The following LUZP2 variants were observed in gnomAD, a reference collection of about 807,000 sequenced individuals.
The protein encoded by LUZP2 is leucine zipper protein 2.
LUZP2 carries 52 observed loss-of-function variants against 51.6 expected under a neutral mutation model. The ratio of observed to expected loss-of-function variants is 1.01; its 90% CI spans 0.81 to 1.27. LUZP2 has a LOEUF of 1.27. LUZP2 is among the 50% of genes most tolerant of loss of function. The pLI, the probability that LUZP2 is intolerant of heterozygous loss-of-function variation, is 0.00. For synonymous variants in LUZP2, 154 were observed against 137.3 expected, an observed-to-expected ratio of 1.12 and a Z score of -0.85; for missense variants, 436 against 395.4, an observed-to-expected ratio of 1.10 and a Z score of -0.87.
intron 5 of LUZP2, among the ~76,000 whole-genome samples, chr11:24,802,969 AT>A (rs1252750632): frequency 6.6e-6 from 1 of 152,022 alleles, no homozygotes; most frequent in Non-Finnish European, 1.5e-5. Context: ...AGCTTTTAGA[AT>A]TGTGAGAAAT....
intron 4 of LUZP2, among the ~76,000 whole-genome samples, chr11:24,738,900 C>T (rs1859035327): frequency 6.6e-6 from 1 of 152,054 alleles, no homozygotes; most frequent in Admixed American, 6.6e-5. Context: ...TTCTGAGAGC[C>T]ATGCTGAAAA....
At chr11:24,738,333 T>C in intron 4 of LUZP2, 31 bp downstream of exon 4, 1 of 1,516,652 alleles carries the variant, frequency 6.6e-7, no homozygotes, top group Non-Finnish European at 9.1e-7. Flanking sequence ...TGCCTTTTGC[T>C]TTTGGGCTGG....
At chr11:24,854,667 GAAAAA>G (rs34378292) in intron 5 of LUZP2, among the ~76,000 whole-genome samples, 1 of 135,658 alleles carries the variant, frequency 7.4e-6, no homozygotes, top group African/African-American at 2.8e-5. Context: ...ACTGGGATAT[GAAAAA>G]AAAAAAAAAA....
intron 1 of LUZP2, among the ~76,000 whole-genome samples, chr11:24,713,725 A>G (rs1201086107): frequency 5.6e-5 from 7 of 124,494 alleles, no homozygotes; most frequent in Admixed American, 4.1e-4. Context: ...GTCTTGCTCT[A>G]TCACCCAGGT....
At chr11:24,907,315 A>C (rs1565090382) in intron 6 of LUZP2, among the ~76,000 whole-genome samples, 1 of 151,306 alleles carries the variant, frequency 6.6e-6, no homozygotes, top group African/African-American at 2.4e-5. Flanking sequence ...AAAAAAAAAA[A>C]CATTAACACA....
intron 4 of LUZP2, among the ~76,000 whole-genome samples, chr11:24,750,256 T>G (rs946338033): frequency 3.3e-5 from 5 of 152,168 alleles, no homozygotes; most frequent in Non-Finnish European, 7.3e-5. Context: ...TCCACAGAGA[T>G]CTCTCAGGTC....
intron 10 of LUZP2, among the ~76,000 whole-genome samples, chr11:25,067,256 T>A (rs1859024545): frequency 6.6e-6 from 1 of 152,046 alleles, no homozygotes; most frequent in Admixed American, 6.6e-5. Flanking sequence ...TTTGTTTAAG[T>A]TCTTTTTAGA....
At chr11:24,740,994 C>T (rs1462324987) in intron 4 of LUZP2, among the ~76,000 whole-genome samples, 1 of 151,938 alleles carries the variant, frequency 6.6e-6, no homozygotes, top group Non-Finnish European at 1.5e-5. Flanking sequence ...CATTTAAAAC[C>T]TTTGTTATAT....
intron 1 of LUZP2, among the ~76,000 whole-genome samples, chr11:24,548,414 C>T (rs12290687): frequency 0.046 from 6,959 of 151,866 alleles, 497 homozygotes; most frequent in African/African-American, 0.16. Context: ...ACATGGATGG[C>T]GCTGGAATTA....
chr11:24,608,644 A>G (rs1027760854), intron 1 of LUZP2, among the ~76,000 whole-genome samples: 3 of 152,162 alleles, frequency 2.0e-5, no homozygotes, highest in African/African-American at 7.2e-5. Context: ...AGGGGAAATA[A>G]CCTGAATTGA....
chr11:25,057,700 C>T, intron 10 of LUZP2, among the ~76,000 whole-genome samples: 1 of 152,102 alleles, frequency 6.6e-6, no homozygotes, highest in South Asian at 2.1e-4. Flanking sequence ...TTTAATTTTT[C>T]TTACTGTGCT....
chr11:24,638,537 G>A (rs1180184686), intron 1 of LUZP2, among the ~76,000 whole-genome samples: 5 of 151,606 alleles, frequency 3.3e-5, no homozygotes, highest in Non-Finnish European at 7.4e-5. Flanking sequence ...AAAATTCAAA[G>A]TATACAGTAT....
rs78482004 is a variant in LUZP2, at chr11:24,820,334, A to G, written c.396+57026A>G. 2.2e-3 allele frequency among the ~76,000 whole-genome samples: 334 copies of G among 152,252 alleles called. 2 individuals carry two copies. The East Asian group carries it at 0.035, about 16-fold the overall frequency. ...CTATGGGCAAGTGAAAATCCATGTC[A>G]CTTTTAAGGAAGCAATGAGGATGTA... On this transcript the variant is annotated intron_variant, in intron 5 of 11. Coordinates refer to ENST00000336930, the MANE Select transcript of LUZP2 (RefSeq NM_001009909.4).
At chr11:24,759,522 A>G (rs921916912) in intron 4 of LUZP2, among the ~76,000 whole-genome samples, 2 of 152,070 alleles carry the variant, frequency 1.3e-5, no homozygotes, top group African/African-American at 4.8e-5. Flanking sequence ...TGACATGGTA[A>G]TGTATTTTCA....
At chr11:24,764,311 T>C (rs1860098615) in intron 5 of LUZP2, among the ~76,000 whole-genome samples, 1 of 151,906 alleles carries the variant, frequency 6.6e-6, no homozygotes, top group African/African-American at 2.4e-5. Context: ...TCACTTTTAA[T>C]CTTAGATAAC....
At chr11:24,653,786 A>C (rs1855715213) in intron 1 of LUZP2, among the ~76,000 whole-genome samples, 2 of 152,192 alleles carry the variant, frequency 1.3e-5, no homozygotes, top group African/African-American at 4.8e-5. Context: ...GCAAGCGAAG[A>C]GTTTCAAGAA....
chr11:24,548,560 G>T (rs1851629088), intron 1 of LUZP2, among the ~76,000 whole-genome samples: 1 of 151,832 alleles, frequency 6.6e-6, no homozygotes, highest in Non-Finnish European at 1.5e-5. Context: ...GAGGGTGGAG[G>T]GTGTGAGGAC....
chr11:24,770,213 T>C (rs1860356491), intron 5 of LUZP2, among the ~76,000 whole-genome samples: 1 of 152,212 alleles, frequency 6.6e-6, no homozygotes, highest in Admixed American at 6.6e-5. Flanking sequence ...AGTTTGTCTG[T>C]AACGGTCTGA....
Position 24,641,798 on chromosome 11 carries a change from G to A in LUZP2, c.63-87371G>A, listed in dbSNP as rs573912652. Among the ~76,000 whole-genome samples the A allele has an allele frequency of 9.7e-4, 147 of 151,860 alleles. 5 individuals are homozygous for A. Among genetic ancestry groups the A allele is most frequent in the African/African-American group, 3.2e-3 (130 of 41,256 alleles). On this transcript the variant is annotated intron_variant, in intron 1 of 11. Coordinates refer to ENST00000336930, the MANE Select transcript of LUZP2 (RefSeq NM_001009909.4). ...CAAATTGCAGTGAATAAATAAATTG[G>A]CAAAAAATTGCAATTGTTATCTGGG... is the stretch of plus-strand genomic sequence containing the variant.
Sources: allele counts gnomAD v4.1 joint callset (sites outside exome capture counted in the v4.1 genomes callset), GRCh38; gene constraint gnomAD v4.1.1; transcripts MANE v1.5; gene names NCBI Gene and HGNC (gene_info 2026-07-23, HGNC 2026-07-21).